Variants in NR1I3 observed in about 807,000 individuals in gnomAD.
NR1I3 encodes the protein constitutive activator of retinoid response.
NR1I3 carries 30 observed loss-of-function variants against 38.4 expected under a neutral mutation model. The observed-to-expected ratio is 0.78, with a 90% CI of 0.58 to 1.06. The LOEUF is 1.06. Ranked by LOEUF, NR1I3 falls within the 50% of genes least tolerant of loss-of-function variation. NR1I3 has a pLI of 0.00. For missense variants in NR1I3, 388 were observed against 435.7 expected (o/e 0.89, Z 0.97); for synonymous variants, 143 against 165.1 (o/e 0.87, Z 1.03).
intron 3 of NR1I3, chr1:161,235,256 GTTTTTTTTTTTTT>G (rs1224128222): frequency 1.2e-5 from 1 of 80,148 alleles, no homozygotes; most frequent in Non-Finnish European, 2.2e-5. Context: ...TGCGCTTGGT[GTTTTTTTTTTTTT>G]TTTTTTTTTT....
chr1:161,233,837 A>G (rs3003593), intron 3 of NR1I3, among the ~76,000 whole-genome samples: 6,254 of 117,700 alleles, frequency 0.053, 164 homozygotes, highest in African/African-American at 0.083. Flanking sequence ...TCATATATAT[A>G]TGTGTGTGTG....
intron 8 of NR1I3, chr1:161,230,587 TAAA>T (rs66513069): frequency 0.032 from 17,476 of 554,452 alleles, 372 homozygotes; most frequent in South Asian, 0.074. Context: ...CTGTACTGAA[TAAA>T]AAAAAAATCT....
intron 8 of NR1I3, 192 bp from the exon 9 acceptor site, chr1:161,230,118 G>A: frequency 1.6e-6 from 1 of 612,388 alleles, no homozygotes; most frequent in Non-Finnish European, 2.8e-6. Flanking sequence ...GTCTGACACT[G>A]TCTTCTCTCA....
chr1:161,230,229 C>A (rs183109360), intron 8 of NR1I3: 46 of 401,430 alleles, frequency 1.1e-4, no homozygotes, highest in African/African-American at 8.3e-4. Context: ...GAGGGCCTGG[C>A]CTTCTAGAGC....
Position 161,231,303 on chromosome 1 carries a change from C to A in NR1I3, c.694+26G>T, listed in dbSNP as rs765966809. 3.7e-6 allele frequency: 6 copies of A among 1,607,378 alleles called. No homozygotes were observed. The South Asian group carries it at 5.5e-5, about 15-fold the overall frequency. ...CATCCTGTACCATGAGGACACATGC[C>A]CCCTATTGCTCTAGCACCATCTCAC... is the stretch of plus-strand genomic sequence containing the variant. On this transcript the variant is annotated intron_variant, in intron 6 of 8. Coordinates refer to ENST00000367983, the MANE Select transcript of NR1I3 (RefSeq NM_005122.5).
rs1667946008 is a variant in NR1I3 at position 161,233,869 on chromosome 1, GTGTGTGTGTGTGTGTGTGTATA to G, written c.239-553_239-532del. On this transcript the variant is annotated intron_variant, in intron 3 of 8. Transcript: ENST00000367983. ...TGTGTGTGTGTGTGTGTGTGTGTGT[GTGTGTGTGTGTGTGTGTGTATA>G]TGTGTGTGTATATATATGTGTATAT... is the stretch of plus-strand genomic sequence containing the variant. Among the ~76,000 whole-genome samples, 12 of 145,166 alleles carry G rather than the reference GTGTGTGTGTGTGTGTGTGTATA, an allele frequency of 8.3e-5. No homozygotes were observed. The South Asian group carries it at 1.9e-3, about 23-fold the overall frequency.
chr1:161,235,652 G>A, intron 3 of NR1I3, 195 bp downstream of exon 3: 1 of 570,002 alleles, frequency 1.8e-6, no homozygotes, highest in African/African-American at 1.9e-5. Flanking sequence ...AGTCTGAAAG[G>A]TGTTGTGGGA....
rs1217617702 is a variant in NR1I3 at position 161,232,884 on chromosome 1, C to T, written c.471G>A (p.Leu157=). 8 of 1,614,186 alleles carry T rather than the reference C, an allele frequency of 5.0e-6. No individual in the cohort carries two copies. In the Admixed American group the frequency reaches 1.3e-4, roughly 27 times the overall value. Residue 157 remains leucine (L), a synonymous_variant, in exon 5 of 9, where the codon CTG becomes CTA. Transcript: ENST00000367983. ...TGTTGATGTCTGCGAAGTGTGTGAC[C>T]AGAGGCAGCACAGGGGCCAGGGTGG... ...PLPTLAPVLP[L]VTHFADINTF...
chr1:161,236,345 CTA>C, intron 2 of NR1I3, 112 bp downstream of exon 2: 1 of 1,308,998 alleles, frequency 7.6e-7, no homozygotes, highest in Non-Finnish European at 1.1e-6. Context: ...TAGTTAGACT[CTA>C]AGATAAAGGA....
At chr1:161,230,698 G>C in intron 8 of NR1I3, 115 bp downstream of exon 8, 1 of 1,436,956 alleles carries the variant, frequency 7.0e-7, no homozygotes, top group Non-Finnish European at 9.6e-7. Context: ...TAGACCCCAC[G>C]ATACCTGAAT....
intron 1 of NR1I3, 24 bp from the exon 2 acceptor site, chr1:161,236,622 TC>T: frequency 6.2e-7 from 1 of 1,607,534 alleles, no homozygotes; most frequent in Non-Finnish European, 8.5e-7. Flanking sequence ...GGGTCAGCAG[TC>T]AGTTTTGGGC....
At chr1:161,231,526 A>G (rs530562380) in intron 5 of NR1I3, 52 bp from the exon 6 acceptor site, 2 of 1,551,982 alleles carry the variant, frequency 1.3e-6, no homozygotes, top group Admixed American at 2.2e-5. Context: ...TTTCTGAGAC[A>G]GAGTCTCACT....
At chr1:161,231,533 C>CAGAAA in intron 5 of NR1I3, 59 bp from the exon 6 acceptor site, 2 of 1,545,028 alleles carry the variant, frequency 1.3e-6, no homozygotes, top group Non-Finnish European at 1.7e-6. Flanking sequence ...GACAGAGTCT[C>CAGAAA]ACTGTCACCC....
At chr1:161,234,608 T>C (rs1205417662) in intron 3 of NR1I3, among the ~76,000 whole-genome samples, 1 of 152,194 alleles carries the variant, frequency 6.6e-6, no homozygotes, top group Non-Finnish European at 1.5e-5. Context: ...CATCTCACTC[T>C]GTTGACCAGG....
intron 5 of NR1I3, 143 bp downstream of exon 5, chr1:161,232,664 C>T: frequency 1.2e-6 from 1 of 817,582 alleles, no homozygotes; most frequent in Non-Finnish European, 2.0e-6. Flanking sequence ...CTGATTGGCA[C>T]ATTTAAAACC....
chr1:161,230,076 CAG>C (rs1666784462), intron 8 of NR1I3, 150 bp from the exon 9 acceptor site: 1 of 951,108 alleles, frequency 1.1e-6, no homozygotes, highest in Non-Finnish European at 1.5e-6. Context: ...GACAGACTAT[CAG>C]AGGTTCCAAA....
At chr1:161,237,219 T>C (rs563207620) in intron 1 of NR1I3, among the ~76,000 whole-genome samples, 61 of 150,152 alleles carry the variant, frequency 4.1e-4, no homozygotes, top group African/African-American at 1.5e-3. Flanking sequence ...TTTTTTTTTT[T>C]CCCTGAAATT....
chr1:161,232,321 A>G (rs555077577), intron 5 of NR1I3, among the ~76,000 whole-genome samples: 9 of 151,994 alleles, frequency 5.9e-5, no homozygotes, highest in Non-Finnish European at 1.2e-4. Flanking sequence ...TTTTTGAGAC[A>G]GAGTCTCACT....
Position 161,235,955 on chromosome 1 carries a change from C to G in NR1I3, c.130G>C (p.Gly44Arg). 1 of 1,604,208 alleles carries G rather than the reference C, an allele frequency of 6.2e-7. No homozygotes were observed. Among genetic ancestry groups the G allele is most frequent in the Non-Finnish European group, 8.5e-7 (1 of 1,175,532 alleles). ...FFRRTVSKSI[G>R]PTCPFAGSCE... ...CTTCCAGCAAAGGGGCAGGTGGGAC[C>G]AATGCTTTTGCTGACTGTTCTCCTG... Residue 44 changes from glycine (G) to arginine (R), a missense_variant, in exon 3 of 9, where the codon GGT becomes CGT. Coordinates refer to ENST00000367983, the MANE Select transcript of NR1I3 (RefSeq NM_005122.5).
Sources: allele counts gnomAD v4.1 joint callset (sites outside exome capture counted in the v4.1 genomes callset), GRCh38; gene constraint gnomAD v4.1.1; transcripts MANE v1.5; gene names NCBI Gene and HGNC (gene_info 2026-07-23, HGNC 2026-07-21).